The following KCNIP4 variants were observed in gnomAD, a reference collection of about 807,000 sequenced individuals.
KCNIP4 encodes potassium voltage-gated channel interacting protein 4.
Under a neutral mutation model 34.0 loss-of-function variants are expected in KCNIP4, and 12 were observed. That is an observed-to-expected ratio of 0.35 (90% CI 0.23 to 0.57). The LOEUF (loss-of-function observed/expected upper bound fraction) is 0.57. Ranked by LOEUF, KCNIP4 falls within the 20% of genes least tolerant of loss-of-function variation. The probability of loss-of-function intolerance (pLI) is 0.83; values close to 1 mark genes in which losing one functional copy is unlikely to be tolerated. For missense variants in KCNIP4, 238 were observed against 311.7 expected, an observed-to-expected ratio of 0.76 and a Z score of 1.78; for synonymous variants, 124 against 102.2, an observed-to-expected ratio of 1.21 and a Z score of -1.29.
At chr4:21,358,853 A>G (rs535478202) in intron 1 of KCNIP4, among the ~76,000 whole-genome samples, 1 of 152,186 alleles carries the variant, frequency 6.6e-6, no homozygotes, top group East Asian at 1.9e-4. Context: ...TCTACCTATG[A>G]CCTGGAAGAC....
intron 1 of KCNIP4, among the ~76,000 whole-genome samples, chr4:21,484,079 A>G (rs1440717581): frequency 6.6e-6 from 1 of 152,014 alleles, no homozygotes; most frequent in Non-Finnish European, 1.5e-5. Context: ...ATAAATTTGG[A>G]TAGCATTTAT....
At chr4:21,416,438 A>T (rs891741834) in intron 1 of KCNIP4, among the ~76,000 whole-genome samples, 4 of 152,134 alleles carry the variant, frequency 2.6e-5, no homozygotes, top group African/African-American at 9.7e-5. Flanking sequence ...ATAGCTATTA[A>T]ATTAGGTTTT....
intron 1 of KCNIP4, among the ~76,000 whole-genome samples, chr4:21,248,644 A>G (rs1194400548): frequency 2.0e-5 from 3 of 152,130 alleles, no homozygotes; most frequent in Admixed American, 1.3e-4. Flanking sequence ...ATTTACTCTT[A>G]CAATAGGTGA....
intron 1 of KCNIP4, among the ~76,000 whole-genome samples, chr4:21,762,757 G>C (rs1577955845): frequency 6.6e-6 from 1 of 152,104 alleles, no homozygotes; most frequent in African/African-American, 2.4e-5. Context: ...GGGTCAACGA[G>C]ACTCTTCCAC....
intron 1 of KCNIP4, among the ~76,000 whole-genome samples, chr4:21,873,020 G>A (rs181049470): frequency 2.0e-5 from 3 of 152,194 alleles, no homozygotes; most frequent in Non-Finnish European, 2.9e-5. Context: ...TAGATTCATT[G>A]ATATCATTAG....
intron 1 of KCNIP4, among the ~76,000 whole-genome samples, chr4:21,106,311 G>C (rs530140916): frequency 2.0e-5 from 3 of 151,562 alleles, no homozygotes; most frequent in Admixed American, 1.3e-4. Context: ...CCTCTTCCTC[G>C]TTTAGTCTTG....
chr4:21,771,059 G>C (rs1195843315), intron 1 of KCNIP4, among the ~76,000 whole-genome samples: 1 of 152,108 alleles, frequency 6.6e-6, no homozygotes, highest in East Asian at 1.9e-4. Context: ...TTCTTCTAGG[G>C]ATCTTATGGT....
chr4:21,817,857 A>C (rs1245768858), intron 1 of KCNIP4, among the ~76,000 whole-genome samples: 43 of 152,160 alleles, frequency 2.8e-4, no homozygotes, highest in Admixed American at 2.8e-3. Flanking sequence ...GCACCGCTGA[A>C]CACAGACCCT....
intron 1 of KCNIP4, among the ~76,000 whole-genome samples, chr4:20,885,233 TCTG>T (rs1342891769): frequency 3.9e-5 from 6 of 152,178 alleles, no homozygotes; most frequent in African/African-American, 1.4e-4. Context: ...GAGCGTGAAT[TCTG>T]CTAAGGTGTA....
chr4:21,653,548 TATAG>T (rs1747679545), intron 1 of KCNIP4, among the ~76,000 whole-genome samples: 1 of 152,194 alleles, frequency 6.6e-6, no homozygotes, highest in Admixed American at 6.5e-5. Flanking sequence ...TCTATTTCTA[TATAG>T]ATAAATGAAA....
intron 2 of KCNIP4, among the ~76,000 whole-genome samples, chr4:20,861,473 C>T (rs746062071): frequency 6.6e-6 from 1 of 152,144 alleles, no homozygotes; most frequent in Admixed American, 6.6e-5. Context: ...CCAACCCGAG[C>T]AATTGGAATC....
intron 3 of KCNIP4, among the ~76,000 whole-genome samples, chr4:20,844,751 T>G: frequency 6.6e-6 from 1 of 152,306 alleles, no homozygotes; most frequent in Middle Eastern, 3.4e-3. Context: ...CCTATAATTT[T>G]ACCTTCCATC....
At chr4:20,752,046 C>G (rs1282753510) in intron 4 of KCNIP4, among the ~76,000 whole-genome samples, 1 of 140,068 alleles carries the variant, frequency 7.1e-6, no homozygotes, top group Non-Finnish European at 1.5e-5. Context: ...TCAGTATGTA[C>G]TTCATAGAGT....
At chr4:21,386,785 G>A (rs920604954) in intron 1 of KCNIP4, among the ~76,000 whole-genome samples, 7 of 152,094 alleles carry the variant, frequency 4.6e-5, no homozygotes, top group Admixed American at 1.3e-4. Flanking sequence ...TAGATCTTTG[G>A]AGGGGCAGCT....
At chr4:21,642,403 T>C (rs979862840) in intron 1 of KCNIP4, among the ~76,000 whole-genome samples, 1 of 152,102 alleles carries the variant, frequency 6.6e-6, no homozygotes, top group East Asian at 1.9e-4. Context: ...TTTTGAAGAC[T>C]CGGTTACAGT....
At chr4:21,391,735 G>A (rs888053351) in intron 1 of KCNIP4, among the ~76,000 whole-genome samples, 15 of 152,078 alleles carry the variant, frequency 9.9e-5, no homozygotes, top group African/African-American at 2.2e-4. Flanking sequence ...CTGATTCTAC[G>A]GGCAGCTCAA....
At chr4:21,073,076 G>A (rs1344726761) in intron 1 of KCNIP4, among the ~76,000 whole-genome samples, 1 of 152,176 alleles carries the variant, frequency 6.6e-6, no homozygotes, top group East Asian at 1.9e-4. Context: ...AAGTCAGGTA[G>A]CATGATGCTT....
intron 1 of KCNIP4, among the ~76,000 whole-genome samples, chr4:21,278,949 T>G (rs1269664573): frequency 6.6e-6 from 1 of 152,196 alleles, no homozygotes; most frequent in Non-Finnish European, 1.5e-5. Flanking sequence ...CCCTTGAATG[T>G]TGAGTGAAAA....
intron 1 of KCNIP4, among the ~76,000 whole-genome samples, chr4:21,657,323 T>C (rs1427872234): frequency 6.6e-6 from 1 of 152,214 alleles, no homozygotes; most frequent in Non-Finnish European, 1.5e-5. Context: ...TTCCGGTCCA[T>C]GTCTTTTTGT....
Sources: gnomAD v4.1 joint callset for allele counts (sites outside exome capture counted in the v4.1 genomes callset) on GRCh38, gnomAD v4.1.1 for gene constraint, MANE v1.5 for transcripts, NCBI Gene and HGNC (gene_info 2026-07-23, HGNC 2026-07-21) for gene names.